Variants in PSD3 observed in about 807,000 individuals in gnomAD.
PSD3 encodes the protein PH and SEC7 domain-containing protein 3.
PSD3 carries 49 observed loss-of-function variants against 105.5 expected under a neutral mutation model. The ratio of observed to expected loss-of-function variants is 0.46; its 90% CI spans 0.37 to 0.59. The LOEUF is 0.59. PSD3 is among the 20% of genes least tolerant of loss of function. The pLI is 0.00. For synonymous variants in PSD3, 557 were observed against 457.8 expected, an observed-to-expected ratio of 1.22 and a Z score of -2.77; for missense variants, 1,561 against 1,263.8, an observed-to-expected ratio of 1.24 and a Z score of -3.57.
In PSD3 at chr8:19,084,442, G is replaced by A. The variant is rs1386476020; in HGVS notation, c.88C>T (p.Arg30Ter). 3 of 455,926 alleles carry A rather than the reference G, an allele frequency of 6.6e-6. No homozygotes were observed. Among genetic ancestry groups the A allele is most frequent in the East Asian group, 6.9e-5 (1 of 14,390 alleles). 28.2% of individuals were successfully genotyped at this position (455,926 alleles called of 1,614,324 possible). Residue 30 changes from arginine (R) to a stop codon, truncating the protein, a stop_gained, in exon 1 of 2, where the codon CGA becomes TGA. Coordinates refer to the PSD3 transcript ENST00000521475. LOFTEE classifies it high-confidence loss of function. ...GAGCATCCCAAGGCATCCCTGCATC[G>A]GGGGTCCATGCCCCACAGATCCTGG...
At chr8:18,561,707 A>C (rs541162999) in intron 14 of PSD3, among the ~76,000 whole-genome samples, 1 of 152,122 alleles carries the variant, frequency 6.6e-6, no homozygotes, top group Admixed American at 6.5e-5. Flanking sequence ...AAAATATTTA[A>C]TTTTTTTCCT....
intron 9 of PSD3, among the ~76,000 whole-genome samples, chr8:18,679,964 G>A (rs1376252897): frequency 1.3e-5 from 2 of 152,172 alleles, no homozygotes; most frequent in East Asian, 3.8e-4. Context: ...AGCCACGCAT[G>A]TTATATTAAT....
chr8:18,648,861 T>C (rs7341627), intron 10 of PSD3, among the ~76,000 whole-genome samples: 55,853 of 152,216 alleles, frequency 0.37, 10,561 homozygotes, highest in South Asian at 0.5. Flanking sequence ...GCTCAAGCTG[T>C]CACTCCAGAG....
chr8:18,908,781 C>T (rs1174482945), intron 2 of PSD3, among the ~76,000 whole-genome samples: 1 of 152,140 alleles, frequency 6.6e-6, no homozygotes, highest in Non-Finnish European at 1.5e-5. Flanking sequence ...TAAGCAATGA[C>T]TAGCAATATT....
intron 4 of PSD3, among the ~76,000 whole-genome samples, chr8:18,835,472 T>C (rs1419689880): frequency 6.6e-6 from 1 of 152,224 alleles, no homozygotes; most frequent in Admixed American, 6.5e-5. Context: ...GGAACTTTTC[T>C]AGATTCAGGA....
At chr8:19,025,957 T>G (rs1294925106) in intron 1 of PSD3, among the ~76,000 whole-genome samples, 1 of 152,144 alleles carries the variant, frequency 6.6e-6, no homozygotes, top group African/African-American at 2.4e-5. Flanking sequence ...GGACTCACAG[T>G]TCCACGTGGC....
intron 8 of PSD3, among the ~76,000 whole-genome samples, chr8:18,788,301 G>C (rs1407650784): frequency 1.3e-5 from 2 of 152,196 alleles, no homozygotes; most frequent in Non-Finnish European, 2.9e-5. Context: ...GCAATAACGA[G>C]AGCAAAGGGG....
chr8:18,790,200 T>A (rs1809567446), intron 8 of PSD3, among the ~76,000 whole-genome samples: 1 of 152,234 alleles, frequency 6.6e-6, no homozygotes, highest in Admixed American at 6.5e-5. Flanking sequence ...TAGATAAGGA[T>A]TCCTATTAAA....
chr8:18,888,314 A>C (rs1205622735), intron 2 of PSD3, among the ~76,000 whole-genome samples: 1 of 152,138 alleles, frequency 6.6e-6, no homozygotes, highest in Non-Finnish European at 1.5e-5. Context: ...ATGCCTTAAA[A>C]CTTTCCAGCT....
At chr8:18,865,138 A>G (rs1193467557) in intron 4 of PSD3, 1 of 150,034 alleles carries the variant, frequency 6.7e-6, no homozygotes, top group Non-Finnish European at 1.5e-5. Flanking sequence ...GAGCCAGACA[A>G]CTTGAATTCT....
intron 1 of PSD3, among the ~76,000 whole-genome samples, chr8:18,963,731 C>T (rs1297568176): frequency 1.3e-5 from 2 of 152,090 alleles, no homozygotes; most frequent in Non-Finnish European, 2.9e-5. Flanking sequence ...TAACAGTACT[C>T]CAAATTTAAT....
chr8:18,630,650 T>C lies in PSD3; in HGVS notation c.2410+1963A>G, dbSNP rs191735592. Among the ~76,000 whole-genome samples, 34 of 152,018 alleles carry C rather than the reference T, an allele frequency of 2.2e-4. No individual in the cohort carries two copies. The East Asian group carries it at 6.4e-3, about 29-fold the overall frequency. On this transcript the variant is annotated intron_variant, in intron 11 of 15. Transcript: ENST00000327040. ...CTTCCCCTTTTTGACTTTTCTTGAA[T>C]TGAAATTATTCTTTTTTTTTTCTCT...
rs528244854 is a variant in PSD3 at position 18,638,074 on chromosome 8, G to C, written c.2217-5268C>G. 1.4e-4 allele frequency among the ~76,000 whole-genome samples: 21 copies of C among 148,818 alleles called. No homozygotes were observed. The South Asian group carries it at 4.3e-3, about 31-fold the overall frequency. On this transcript the variant is annotated intron_variant, in intron 10 of 15. Transcript: ENST00000327040. ...GGGAGGCTGAAGCAGAGAACTGCTTGAACCTGGCAAGTGGAGGTTGCAGTG... is the reference window on the plus strand; with the variant it reads ...GGGAGGCTGAAGCAGAGAACTGCTTCAACCTGGCAAGTGGAGGTTGCAGTG...
chr8:18,620,997 T>A (rs1249218672), intron 11 of PSD3, among the ~76,000 whole-genome samples: 2 of 152,186 alleles, frequency 1.3e-5, no homozygotes, highest in African/African-American at 4.8e-5. Flanking sequence ...CCTCTAAAAA[T>A]CACATGCACA....
chr8:18,660,325 C>A (rs1363693076), intron 9 of PSD3, among the ~76,000 whole-genome samples: 1 of 152,086 alleles, frequency 6.6e-6, no homozygotes, highest in African/African-American at 2.4e-5. Flanking sequence ...TCCCCTGAAC[C>A]CTCCAGAGGG....
At chr8:18,694,430 G>A (rs532567728) in intron 9 of PSD3, among the ~76,000 whole-genome samples, 1 of 152,344 alleles carries the variant, frequency 6.6e-6, no homozygotes, top group African/African-American at 2.4e-5. Context: ...CTAAGATGGT[G>A]AAACCCTGTC....
intron 4 of PSD3, among the ~76,000 whole-genome samples, chr8:18,813,959 A>G (rs1453827034): frequency 6.6e-6 from 1 of 152,204 alleles, no homozygotes; most frequent in African/African-American, 2.4e-5. Context: ...ATGACGTGAG[A>G]TAATACATGA....
At chr8:18,791,835 T>C (rs1809748172) in intron 8 of PSD3, among the ~76,000 whole-genome samples, 1 of 152,112 alleles carries the variant, frequency 6.6e-6, no homozygotes, top group Non-Finnish European at 1.5e-5. Flanking sequence ...CATCTGACAA[T>C]GGTCTAATAC....
chr8:18,993,930 C>T (rs905409100), intron 1 of PSD3, among the ~76,000 whole-genome samples: 2 of 151,818 alleles, frequency 1.3e-5, no homozygotes, highest in African/African-American at 4.8e-5. Flanking sequence ...GAGCACTATC[C>T]CTCAATCATA....
Sources: allele counts gnomAD v4.1 joint callset (sites outside exome capture counted in the v4.1 genomes callset), GRCh38; gene constraint gnomAD v4.1.1; transcripts MANE v1.5; gene names NCBI Gene and HGNC (gene_info 2026-07-23, HGNC 2026-07-21).